DYNC1LI2: variants seen among roughly 807,000 people sequenced by gnomAD.
DYNC1LI2 encodes the protein dynein cytoplasmic 1 light intermediate chain 2.
Under a neutral mutation model 57.8 loss-of-function variants are expected in DYNC1LI2, and 19 were observed. That is an observed-to-expected ratio of 0.33 (90% confidence interval 0.23 to 0.48). The LOEUF is 0.48. DYNC1LI2 is among the 20% of genes least tolerant of loss of function. DYNC1LI2 has a pLI of 0.99. For missense variants in DYNC1LI2, 470 were observed against 604.2 expected (o/e 0.78, Z 2.33); for synonymous variants, 256 against 233.4 (o/e 1.10, Z -0.88).
At chr16:66,731,731 T>C (rs1275702767) in intron 7 of DYNC1LI2, 1 of 152,344 alleles carries the variant, frequency 6.6e-6, no homozygotes, top group Non-Finnish European at 1.5e-5. Flanking sequence ...AGGAGGATAC[T>C]GAAGCCTGAA....
chr16:66,728,085 A>G, intron 10 of DYNC1LI2, 116 bp downstream of exon 10: 1 of 1,420,192 alleles, frequency 7.0e-7, no homozygotes, highest in Non-Finnish European at 9.7e-7. Context: ...GGGAAACCAA[A>G]TTCCCACTGA....
At chr16:66,744,807 G>C (rs578092816) in intron 3 of DYNC1LI2, among the ~76,000 whole-genome samples, 1 of 152,136 alleles carries the variant, frequency 6.6e-6, no homozygotes, top group Non-Finnish European at 1.5e-5. Context: ...TGATCTGCCC[G>C]CCTCAGCCTC....
chr16:66,737,234 T>C (rs1255897718), intron 4 of DYNC1LI2, among the ~76,000 whole-genome samples: 2 of 152,020 alleles, frequency 1.3e-5, no homozygotes, highest in African/African-American at 2.4e-5. Context: ...TAAGATTGCG[T>C]CACTGTACTC....
In DYNC1LI2 at chr16:66,723,090, T is replaced by G. The variant is rs1844143794; in HGVS notation, c.*632A>C. On this transcript the variant is annotated 3_prime_UTR_variant, in exon 13 of 13. Coordinates refer to ENST00000258198, the MANE Select transcript of DYNC1LI2 (RefSeq NM_006141.3). ...CAGGCACCCCCACAATTAGTACATC[T>G]TTCGTAAGTTAAAGATGCATTCAAA... 5.9e-6 allele frequency: 2 copies of G among 340,680 alleles called. No individual in the cohort carries two copies. The highest frequency in any genetic ancestry group is 1.2e-5 in the Non-Finnish European group (2 of 172,084). 21.1% of individuals were successfully genotyped at this position (340,680 alleles called of 1,614,324 possible).
chr16:66,738,237 G>A (rs1434316211), intron 4 of DYNC1LI2: 1 of 137,884 alleles, frequency 7.3e-6, no homozygotes, highest in African/African-American at 2.7e-5. Context: ...CATCTCTACA[G>A]CTTCTTTTTT....
chr16:66,731,926 A>C (rs1422447900), intron 7 of DYNC1LI2: 2 of 160,576 alleles, frequency 1.2e-5, no homozygotes, highest in African/African-American at 4.8e-5. Context: ...GTAAGCACTT[A>C]ATATAGCGAA....
At chr16:66,734,140 A>T (rs950479507) in intron 6 of DYNC1LI2, 78 bp downstream of exon 6, 11 of 1,329,894 alleles carry the variant, frequency 8.3e-6, no homozygotes, top group African/African-American at 2.9e-5. Context: ...TGGGTTTGGG[A>T]GGTGCTTTAT....
rs777024023 is a variant in DYNC1LI2 at position 66,751,510 on chromosome 16, C to T, written c.82G>A (p.Glu28Lys). 1 of 1,589,732 alleles carries T rather than the reference C, an allele frequency of 6.3e-7. No homozygotes were observed. Among genetic ancestry groups the T allele is most frequent in the South Asian group, 1.1e-5 (1 of 89,064 alleles). Residue 28 changes from glutamate (E) to lysine (K), a missense_variant, in exon 1 of 13, where the codon GAG becomes AAG. Transcript: ENST00000258198. This position sits in a 1 kb window ranked among gnomAD's most constrained non-coding sequence, Gnocchi z 5.2. The stretch of plus-strand genomic sequence containing the variant: ...CATAGGCTCTGGCCTTCCTCCTCCT[C>T]ACTGGTCAGGTCGCCGGCGGCCGCC... ...AVAAAGDLTS[E>K]EEEGQSLWSS... is the part of the protein sequence containing the mutation.
Position 66,734,279 on chromosome 16 carries a change from G to A in DYNC1LI2, c.732C>T (p.His244=), listed in dbSNP as rs577045923. 131 of 1,614,064 alleles carry A rather than the reference G, an allele frequency of 8.1e-5. 2 individuals carry two copies. The highest frequency in any genetic ancestry group is 5.7e-4 in the South Asian group (52 of 91,078). The stretch of plus-strand genomic sequence containing the variant: ...AGTCCAAATGCTCATCCCTGTAATC[G>A]TGCTCCTTCTCCAGGACACTCACCG... ...CDAVSVLEKE[H]DYRDEHLDFI... Residue 244 remains histidine, a synonymous_variant, in exon 6 of 13, where the codon CAC becomes CAT. Coordinates refer to ENST00000258198, the MANE Select transcript of DYNC1LI2 (RefSeq NM_006141.3).
chr16:66,739,645 T>G (rs1317071649), intron 4 of DYNC1LI2, among the ~76,000 whole-genome samples: 2 of 152,104 alleles, frequency 1.3e-5, no homozygotes, highest in Non-Finnish European at 2.9e-5. Context: ...CAGGCTGGTG[T>G]CAAACTTTTG....
intron 4 of DYNC1LI2, among the ~76,000 whole-genome samples, chr16:66,736,818 T>A (rs1825875702): frequency 6.6e-6 from 1 of 152,196 alleles, no homozygotes; most frequent in South Asian, 2.1e-4. Context: ...AACAGGTTTT[T>A]AAAAAATACT....
At chr16:66,743,275 G>A (rs913879155) in intron 3 of DYNC1LI2, among the ~76,000 whole-genome samples, 2 of 151,554 alleles carry the variant, frequency 1.3e-5, no homozygotes, top group African/African-American at 4.8e-5. Context: ...AAAGATTGAG[G>A]GTATCGGACC....
At chr16:66,724,174 A>T (rs932486844) in intron 12 of DYNC1LI2, among the ~76,000 whole-genome samples, 1 of 152,198 alleles carries the variant, frequency 6.6e-6, no homozygotes, top group Non-Finnish European at 1.5e-5. Flanking sequence ...TAGTACCTGA[A>T]TTTCAGCAAC....
Position 66,751,471 on chromosome 16 carries a change from G to A in DYNC1LI2, c.107+14C>T, listed in dbSNP as rs370319345. ...GCGCCCCCCACGGCCCGGCCCGACC[G>A]CCCGCGGCCTCACCATAGGCTCTGG... is the stretch of plus-strand genomic sequence containing the variant. On this transcript the variant is annotated intron_variant, in intron 1 of 12. Transcript: ENST00000258198. This position sits in a 1 kb window ranked among gnomAD's most constrained non-coding sequence, Gnocchi z 5.2. The A allele has an allele frequency of 9.6e-4, 1,526 of 1,583,224 alleles. 2 individuals carry two copies. The highest frequency in any genetic ancestry group is 1.3e-3 in the Non-Finnish European group (1,473 of 1,168,660).
Position 66,723,416 on chromosome 16 carries a change from A to G in DYNC1LI2, c.*306T>C, listed in dbSNP as rs765292230. 7 of 512,554 alleles carry G rather than the reference A, an allele frequency of 1.4e-5. No individual in the cohort carries two copies. Among genetic ancestry groups the G allele is most frequent in the Non-Finnish European group, 2.6e-5 (7 of 264,416 alleles). The allele number at this position is 512,554 out of a possible 1,614,324, so 31.8% of individuals were successfully genotyped here. ...GGTCTCATTTGCTCCACCCTGTTAGAAAGTGGGCCCTCTTTCTTTCACTCT... is the reference window on the plus strand; with the variant it reads ...GGTCTCATTTGCTCCACCCTGTTAGGAAGTGGGCCCTCTTTCTTTCACTCT... On this transcript the variant is annotated 3_prime_UTR_variant, in exon 13 of 13. Coordinates refer to ENST00000258198, the MANE Select transcript of DYNC1LI2 (RefSeq NM_006141.3).
intron 5 of DYNC1LI2, among the ~76,000 whole-genome samples, 180 bp from the exon 6 acceptor site, chr16:66,734,491 C>T (rs1460275839): frequency 1.3e-5 from 2 of 151,630 alleles, no homozygotes; most frequent in Non-Finnish European, 1.5e-5. Flanking sequence ...TCTTGGGCCT[C>T]GTTTTTTTTT....
Position 66,723,216 on chromosome 16 carries a change from A to G in DYNC1LI2, c.*506T>C, listed in dbSNP as rs375180487. ...TGCACAGTATTTACTGACACTGCTCATCTCCTCCTTCCTCCACCTCCCTCA... is the reference window on the plus strand; with the variant it reads ...TGCACAGTATTTACTGACACTGCTCGTCTCCTCCTTCCTCCACCTCCCTCA... On this transcript the variant is annotated 3_prime_UTR_variant, in exon 13 of 13. Coordinates refer to ENST00000258198, the MANE Select transcript of DYNC1LI2 (RefSeq NM_006141.3). The G allele has an allele frequency of 8.6e-5, 35 of 408,110 alleles. No homozygotes were observed. In the East Asian group the frequency reaches 2.5e-3, roughly 29 times the overall value. 25.3% of individuals were successfully genotyped at this position (408,110 alleles called of 1,614,324 possible). A position where few individuals can be genotyped will look rare whatever the true frequency, so the allele number is the denominator to read the frequency against.
In DYNC1LI2 at chr16:66,723,529, G is replaced by C. The variant is rs561485873; in HGVS notation, c.*193C>G. 4.5e-5 allele frequency: 30 copies of C among 665,644 alleles called. No homozygotes were observed. Among genetic ancestry groups the C allele is most frequent in the Non-Finnish European group, 7.7e-5 (28 of 365,976 alleles). 41.2% of individuals were successfully genotyped at this position (665,644 alleles called of 1,614,324 possible). ...AGTCCAAGGGTTATCCTTAACAAAGGGTCTGACATGTAACCTTCCTAAATG... is the reference window on the plus strand; with the variant it reads ...AGTCCAAGGGTTATCCTTAACAAAGCGTCTGACATGTAACCTTCCTAAATG... On this transcript the variant is annotated 3_prime_UTR_variant, in exon 13 of 13. Coordinates refer to ENST00000258198, the MANE Select transcript of DYNC1LI2 (RefSeq NM_006141.3).
intron 4 of DYNC1LI2, among the ~76,000 whole-genome samples, chr16:66,737,739 T>G (rs976789499): frequency 6.6e-6 from 1 of 152,214 alleles, no homozygotes; most frequent in Non-Finnish European, 1.5e-5. Flanking sequence ...CATCCACTTA[T>G]TGGCATACAA....
Sources: allele counts gnomAD v4.1 joint callset (sites outside exome capture counted in the v4.1 genomes callset), GRCh38; gene constraint gnomAD v4.1.1; non-coding constraint Gnocchi (gnomAD v3.1); transcripts MANE v1.5; gene names NCBI Gene and HGNC (gene_info 2026-07-23, HGNC 2026-07-21).